MTFR1L: variants seen among roughly 807,000 people sequenced by gnomAD.
MTFR1L encodes mitochondrial fission regulator 1 like.
Under a neutral mutation model 27.9 loss-of-function variants are expected in MTFR1L, and 10 were observed. That is an observed-to-expected ratio of 0.36 (90% CI 0.22 to 0.61). The LOEUF is 0.61. Ranked by LOEUF, MTFR1L falls within the 20% of genes least tolerant of loss-of-function variation. The pLI, the probability that MTFR1L is intolerant of heterozygous loss-of-function variation, is 0.73. For missense variants in MTFR1L, 315 were observed against 363.7 expected, an observed-to-expected ratio of 0.87 and a Z score of 1.09; for synonymous variants, 151 against 139.4, an observed-to-expected ratio of 1.08 and a Z score of -0.58.
rs564986294 is a variant in MTFR1L, at chr1:25,826,504, C to G, written c.239+93C>G. 8.6e-5 allele frequency: 135 copies of G among 1,575,386 alleles called. No homozygotes were observed. The highest frequency in any genetic ancestry group is 1.1e-4 in the Non-Finnish European group (123 of 1,146,132). Reference sequence around the variant, plus strand: ...GAGAGAGGAATGAGAACTGTGGGCTCAGAGAGGAGCAGAACCTTACTATAC... The same window carrying G: ...GAGAGAGGAATGAGAACTGTGGGCTGAGAGAGGAGCAGAACCTTACTATAC... On this transcript the variant is annotated intron_variant, in intron 4 of 6. Coordinates refer to ENST00000374303, the MANE Select transcript of MTFR1L (RefSeq NM_001099625.2). The surrounding 1 kb of genome is among the most constrained non-coding windows in gnomAD (Gnocchi z 4.1).
chr1:25,820,784 G>T (rs765045803), intron 1 of MTFR1L: 4 of 437,620 alleles, frequency 9.1e-6, no homozygotes, highest in African/African-American at 2.1e-5. Context: ...GCGTTGAAGC[G>T]CTCACTGTGT....
chr1:25,826,757 A>T lies in MTFR1L; in HGVS notation c.382A>T (p.Thr128Ser). Residue 128 changes from threonine to serine, a missense_variant, in exon 5 of 7, where the codon ACT (threonine) becomes TCT (serine). Coordinates refer to ENST00000374303, the MANE Select transcript of MTFR1L (RefSeq NM_001099625.2). This position sits in a 1 kb window ranked among gnomAD's most constrained non-coding sequence, Gnocchi z 4.1. ...KKPALPALSRTTELQDELSHL... is the reference protein window; with the variant it reads ...KKPALPALSRSTELQDELSHL... ...GCCAGCTCTGCCAGCCCTAAGCCGCACTACTGAGCTGCAGGACGAGCTGAG... is the reference window on the plus strand; with the variant it reads ...GCCAGCTCTGCCAGCCCTAAGCCGCTCTACTGAGCTGCAGGACGAGCTGAG... 6.2e-7 allele frequency: 1 copy of T among 1,614,102 alleles called. No homozygotes were observed. Among genetic ancestry groups the T allele is most frequent in the Non-Finnish European group, 8.5e-7 (1 of 1,180,026 alleles).
At chr1:25,820,788 A>T (rs1486518779) in intron 1 of MTFR1L, 1 of 436,852 alleles carries the variant, frequency 2.3e-6, no homozygotes, top group Admixed American at 2.6e-5. Flanking sequence ...TGAAGCGCTC[A>T]CTGTGTCCTA....
chr1:25,827,221 T>C, intron 5 of MTFR1L, among the ~76,000 whole-genome samples: 1 of 151,602 alleles, frequency 6.6e-6, no homozygotes, highest in African/African-American at 2.4e-5. Flanking sequence ...CACTGCACTC[T>C]GCCTCCCAGG....
chr1:25,822,522 CTTTTTTTT>C (rs138804319), intron 1 of MTFR1L: 11 of 109,064 alleles, frequency 1.0e-4, no homozygotes, highest in East Asian at 2.7e-4. Context: ...CTAGGCAAAT[CTTTTTTTT>C]TTTTTTTTTT....
intron 5 of MTFR1L, among the ~76,000 whole-genome samples, chr1:25,827,074 GCCCCCAAAC>G (rs1309116876): frequency 1.3e-4 from 20 of 151,978 alleles, no homozygotes; most frequent in African/African-American, 4.8e-4. Flanking sequence ...CCCTCCCTTA[GCCCCCAAAC>G]TGATACCCTC....
chr1:25,830,079 A>T (rs969777968), intron 6 of MTFR1L, among the ~76,000 whole-genome samples: 1 of 152,176 alleles, frequency 6.6e-6, no homozygotes. Flanking sequence ...AGGCTCATCT[A>T]ATCCAACTTC....
chr1:25,829,681 T>G lies in MTFR1L; in HGVS notation c.624T>G (p.Ser208=). 1 of 1,614,216 alleles carries G rather than the reference T, an allele frequency of 6.2e-7. No homozygotes were observed. The highest frequency in any genetic ancestry group is 8.5e-7 in the Non-Finnish European group (1 of 1,180,030). ...PELPSVPLLC[S]ASPECCKPEH... Reference sequence around the variant, plus strand: ...TTCCATCAGTCCCCCTGCTTTGTTCTGCCAGCCCTGAATGTTGCAAACCAG... The same window carrying G: ...TTCCATCAGTCCCCCTGCTTTGTTCGGCCAGCCCTGAATGTTGCAAACCAG... Residue 208 remains serine (S), a synonymous_variant, in exon 6 of 7, where the codon TCT becomes TCG. Transcript: ENST00000374303.
chr1:25,821,300 A>C (rs2048088917), intron 1 of MTFR1L, among the ~76,000 whole-genome samples: 1 of 152,176 alleles, frequency 6.6e-6, no homozygotes, highest in South Asian at 2.1e-4. Flanking sequence ...GGCAGTAAGC[A>C]CCGTTAGTGC....
In MTFR1L at chr1:25,823,280, C is replaced by G. The variant is rs994148995; in HGVS notation, c.24+152C>G. 5 of 816,290 alleles carry G rather than the reference C, an allele frequency of 6.1e-6. No individual in the cohort carries two copies. The African/African-American group carries it at 8.4e-5, about 14-fold the overall frequency. 50.6% of individuals were successfully genotyped at this position (816,290 alleles called of 1,614,324 possible). On this transcript the variant is annotated intron_variant, in intron 2 of 6. Coordinates refer to ENST00000374303, the MANE Select transcript of MTFR1L (RefSeq NM_001099625.2). ...AAGGCCACCGTTTCACTCCCTCCCC[C>G]TAAGAAGAACCAACTATGATCCTGG...
At chr1:25,825,686 C>A (rs1486906394) in intron 3 of MTFR1L, 1 of 152,106 alleles carries the variant, frequency 6.6e-6, no homozygotes, top group African/African-American at 2.4e-5. Flanking sequence ...GAAAAATTTC[C>A]TATTGCTGTA....
Position 25,826,581 on chromosome 1 carries a change from C to A in MTFR1L, c.240-34C>A, listed in dbSNP as rs1344747182. 1 of 1,612,846 alleles carries A rather than the reference C, an allele frequency of 6.2e-7. No homozygotes were observed. Among genetic ancestry groups the A allele is most frequent in the Non-Finnish European group, 8.5e-7 (1 of 1,178,862 alleles). Reference sequence around the variant, plus strand: ...CCTTAGGAGCACAGTGGCCTGCTGTCTCTAACTGATCTACTTGGTTTTCCC... The same window carrying A: ...CCTTAGGAGCACAGTGGCCTGCTGTATCTAACTGATCTACTTGGTTTTCCC... On this transcript the variant is annotated intron_variant, in intron 4 of 6. Coordinates refer to ENST00000374303, the MANE Select transcript of MTFR1L (RefSeq NM_001099625.2). This position sits in a 1 kb window ranked among gnomAD's most constrained non-coding sequence, Gnocchi z 4.1.
Position 25,829,594 on chromosome 1 carries a change from C to T in MTFR1L, c.537C>T (p.His179=), listed in dbSNP as rs1387856194. The change falls in exon 6 of 7, where the codon CAC becomes CAT. Residue 179 remains histidine (H), a synonymous_variant. Coordinates refer to ENST00000374303, the MANE Select transcript of MTFR1L (RefSeq NM_001099625.2). ...SPLPCFGSSF[H]STTSFVISDI... is the part of the protein sequence containing the mutation. ...TACCTTGTTTTGGATCCTCATTCCA[C>T]TCTACAACTTCCTTTGTCATTAGTG... 1 of 1,614,256 alleles carries T rather than the reference C, an allele frequency of 6.2e-7. No individual in the cohort carries two copies.
chr1:25,831,199 G>T (rs2124485897), intron 6 of MTFR1L, among the ~76,000 whole-genome samples: 1 of 152,302 alleles, frequency 6.6e-6, no homozygotes, highest in East Asian at 1.9e-4. Context: ...TTTGAAGGTT[G>T]AATAGTCAGT....
rs1184658401 is a variant in MTFR1L, at chr1:25,828,989, T to TA, written c.452-517dup. On this transcript the variant is annotated intron_variant, in intron 5 of 6. Transcript: ENST00000374303. Reference sequence around the variant, plus strand: ...TAGTTTTTAGTGTATTTAGTGTTTTTAAAGTATTTTTAGAAATGTAAAAAC... The same window carrying TA: ...TAGTTTTTAGTGTATTTAGTGTTTTTAAAAGTATTTTTAGAAATGTAAAAAC... Among the ~76,000 whole-genome samples the TA allele has an allele frequency of 3.3e-5, 5 of 152,332 alleles. No homozygotes were observed. The East Asian group carries it at 7.7e-4, about 23-fold the overall frequency.
chr1:25,829,459 A>AG (rs751995815), intron 5 of MTFR1L, 50 bp from the exon 6 acceptor site: 1 of 1,505,262 alleles, frequency 6.6e-7, no homozygotes, highest in Non-Finnish European at 9.1e-7. Context: ...AGATATTGCT[A>AG]CTGTGTTCTA....
At chr1:25,828,694 A>G (rs570908212) in intron 5 of MTFR1L, among the ~76,000 whole-genome samples, 1 of 152,308 alleles carries the variant, frequency 6.6e-6, no homozygotes, top group South Asian at 2.1e-4. Context: ...AGGCATGGAC[A>G]GCCAACAGGT....
chr1:25,820,139 C>T, intron 1 of MTFR1L, 110 bp downstream of exon 1: 2 of 450,598 alleles, frequency 4.4e-6, no homozygotes, highest in South Asian at 3.1e-5. Flanking sequence ...CCTGTTCCCG[C>T]GCGAGTTCTC....
Position 25,826,274 on chromosome 1 carries a change from A to G in MTFR1L, c.130-28A>G, listed in dbSNP as rs753180305. 1 of 1,598,032 alleles carries G rather than the reference A, an allele frequency of 6.3e-7. No individual in the cohort carries two copies. Among genetic ancestry groups the G allele is most frequent in the East Asian group, 2.2e-5 (1 of 44,750 alleles). On this transcript the variant is annotated intron_variant, in intron 3 of 6. Coordinates refer to ENST00000374303, the MANE Select transcript of MTFR1L (RefSeq NM_001099625.2). The surrounding 1 kb of genome is among the most constrained non-coding windows in gnomAD (Gnocchi z 4.1). ...TGATTGGCTCATCATGGCATCTGTA[A>G]ATGTTGATGACTTTTGCTTCTCCAT...
Sources: gnomAD v4.1 joint callset for allele counts (sites outside exome capture counted in the v4.1 genomes callset) on GRCh38, gnomAD v4.1.1 for gene constraint, Gnocchi (gnomAD v3.1) non-coding constraint, MANE v1.5 for transcripts, NCBI Gene and HGNC (gene_info 2026-07-23, HGNC 2026-07-21) for gene names.